THADA: variants seen among roughly 807,000 people sequenced by gnomAD.
The protein encoded by THADA is THADA armadillo repeat containing.
In THADA, 213 loss-of-function variants were observed where a neutral mutation model predicts 219.8. The ratio of observed to expected loss-of-function variants is 0.97; its 90% CI spans 0.87 to 1.09. THADA has a LOEUF of 1.09. Ranked by LOEUF, THADA falls within the 50% of genes least tolerant of loss-of-function variation. The pLI is 0.00. For missense variants in THADA, 2,956 were observed against 2,311.3 expected (o/e 1.28, Z -5.72); for synonymous variants, 1,018 against 828.9 (o/e 1.23, Z -3.92).
chr2:43,428,376 G>A (rs1021803674), intron 27 of THADA, 145 bp from the exon 28 acceptor site: 2 of 702,232 alleles, frequency 2.8e-6, no homozygotes, highest in Non-Finnish European at 4.5e-6. Context: ...GGGAGGCCGA[G>A]GCGGATGGAT....
At chr2:43,590,495 T>A (rs1316132950) in intron 4 of THADA, among the ~76,000 whole-genome samples, 2 of 151,924 alleles carry the variant, frequency 1.3e-5, no homozygotes, top group African/African-American at 4.8e-5. Context: ...GCTATCATGG[T>A]GAAACCACAT....
chr2:43,435,729 G>A (rs961582435), intron 26 of THADA, among the ~76,000 whole-genome samples: 1 of 148,310 alleles, frequency 6.7e-6, no homozygotes. Context: ...GTTACAGTGA[G>A]CTGAGATCGT....
chr2:43,443,265 A>T (rs570142579), intron 26 of THADA, among the ~76,000 whole-genome samples: 1 of 152,372 alleles, frequency 6.6e-6, no homozygotes, highest in South Asian at 2.1e-4. Context: ...TAAGACAGGC[A>T]AGGAGAAAAG....
intron 36 of THADA, among the ~76,000 whole-genome samples, chr2:43,256,950 G>A (rs1017713449): frequency 6.6e-6 from 1 of 152,168 alleles, no homozygotes; most frequent in Non-Finnish European, 1.5e-5. Context: ...GAAGCCAAGA[G>A]AGTAGAGCCA....
At chr2:43,491,633 A>G (rs972518685) in intron 25 of THADA, among the ~76,000 whole-genome samples, 1 of 152,232 alleles carries the variant, frequency 6.6e-6, no homozygotes, top group East Asian at 1.9e-4. Context: ...TCAGTATGAT[A>G]GCATGCTGTA....
intron 24 of THADA, among the ~76,000 whole-genome samples, chr2:43,499,756 G>T (rs1290730282): frequency 2.0e-5 from 3 of 151,540 alleles, no homozygotes; most frequent in Admixed American, 1.3e-4. Context: ...TTTTGAAGAC[G>T]CTACCTACAT....
intron 26 of THADA, among the ~76,000 whole-genome samples, chr2:43,473,504 T>C (rs1371167037): frequency 6.6e-6 from 1 of 152,114 alleles, no homozygotes; most frequent in Non-Finnish European, 1.5e-5. Flanking sequence ...TTTTAATAAG[T>C]AGGAGTACAC....
At chr2:43,522,876 G>C (rs965883629) in intron 22 of THADA, among the ~76,000 whole-genome samples, 1 of 151,848 alleles carries the variant, frequency 6.6e-6, no homozygotes, top group Non-Finnish European at 1.5e-5. Context: ...AGGCAAGATC[G>C]CGCCACTGCA....
chr2:43,394,443 A>C (rs979666430), intron 29 of THADA, among the ~76,000 whole-genome samples: 5 of 152,252 alleles, frequency 3.3e-5, no homozygotes, highest in Admixed American at 6.5e-5. Context: ...GTTCTGTGAA[A>C]GAATTTGTTT....
chr2:43,418,758 C>A (rs1677323398), intron 28 of THADA, among the ~76,000 whole-genome samples: 1 of 152,022 alleles, frequency 6.6e-6, no homozygotes, highest in African/African-American at 2.4e-5. Context: ...GTTTGAGAGG[C>A]AGCGGGAGGA....
chr2:43,349,216 T>C (rs1487815033), intron 29 of THADA, among the ~76,000 whole-genome samples: 1 of 152,110 alleles, frequency 6.6e-6, no homozygotes, highest in Non-Finnish European at 1.5e-5. Flanking sequence ...AGTAGGCTGA[T>C]TTCTTGCCCC....
At position 43,292,093 on chromosome 2, in the gene THADA, T is replaced by G; in HGVS notation, c.4937+11A>C. On this transcript the variant is annotated intron_variant, in intron 33 of 37. Transcript: ENST00000405975. ...CTTACCAAGGTTGCACAGGAGGTTT[T>G]GGGGGCAAACCTTTCATTGGAAGCA... The G allele has an allele frequency of 1.9e-6, 3 of 1,574,312 alleles. No homozygotes were observed. The highest frequency in any genetic ancestry group is 2.6e-6 in the Non-Finnish European group (3 of 1,155,652).
intron 17 of THADA, among the ~76,000 whole-genome samples, chr2:43,553,726 A>G (rs1697017997): frequency 6.6e-6 from 1 of 152,156 alleles, no homozygotes; most frequent in South Asian, 2.1e-4. Context: ...GCATTTTACA[A>G]TCCCACCAAC....
intron 34 of THADA, among the ~76,000 whole-genome samples, chr2:43,291,174 G>A (rs535503670): frequency 1.1e-3 from 162 of 152,038 alleles, no homozygotes; most frequent in African/African-American, 3.9e-3. Flanking sequence ...AACAGGCTGG[G>A]CGCAGTGGCC....
chr2:43,487,287 A>C (rs1410473676), intron 25 of THADA, among the ~76,000 whole-genome samples: 1 of 152,192 alleles, frequency 6.6e-6, no homozygotes, highest in African/African-American at 2.4e-5. Flanking sequence ...ACAAAAACAC[A>C]AAAAGAAAAG....
At chr2:43,274,030 G>A (rs888747211) in intron 36 of THADA, among the ~76,000 whole-genome samples, 3 of 151,676 alleles carry the variant, frequency 2.0e-5, no homozygotes, top group East Asian at 3.9e-4. Context: ...TCTACATCTC[G>A]CTCCTACTTC....
intron 30 of THADA, among the ~76,000 whole-genome samples, chr2:43,333,881 A>C (rs1259404461): frequency 6.6e-6 from 1 of 152,236 alleles, no homozygotes; most frequent in Non-Finnish European, 1.5e-5. Context: ...TTTGGGAAGG[A>C]GCTAAAGGAC....
chr2:43,338,929 T>G (rs916896589), intron 30 of THADA, among the ~76,000 whole-genome samples: 4 of 152,202 alleles, frequency 2.6e-5, no homozygotes, highest in African/African-American at 9.7e-5. Flanking sequence ...AATATCATAC[T>G]GTTTTCCACA....
intron 29 of THADA, among the ~76,000 whole-genome samples, chr2:43,383,641 G>A (rs1558671201): frequency 6.6e-6 from 1 of 152,192 alleles, no homozygotes; most frequent in Admixed American, 6.5e-5. Flanking sequence ...TGAAAATGCA[G>A]ATTCTAATTC....
Sources: gnomAD v4.1 joint callset for allele counts (sites outside exome capture counted in the v4.1 genomes callset) on GRCh38, gnomAD v4.1.1 for gene constraint, MANE v1.5 for transcripts, NCBI Gene and HGNC (gene_info 2026-07-23, HGNC 2026-07-21) for gene names.